The following ZFYVE16 variants were observed in gnomAD, a reference collection of about 807,000 sequenced individuals.
ZFYVE16 encodes zinc finger FYVE-type containing 16.
A neutral mutation model predicts 138.1 loss-of-function variants in ZFYVE16; 89 were observed. The ratio of observed to expected loss-of-function variants is 0.64; its 90% CI spans 0.54 to 0.77. The LOEUF (loss-of-function observed/expected upper bound fraction) is 0.77. Ranked by LOEUF, ZFYVE16 falls within the 30% of genes least tolerant of loss-of-function variation. The pLI is 0.00. For synonymous variants in ZFYVE16, 596 were observed against 618.3 expected, an observed-to-expected ratio of 0.96 and a Z score of 0.53; for missense variants, 1,793 against 1,786.7, an observed-to-expected ratio of 1.00 and a Z score of -0.06.
intron 17 of ZFYVE16, 136 bp from the exon 18 acceptor site, chr5:80,474,527 C>T: frequency 1.1e-6 from 1 of 874,708 alleles, no homozygotes; most frequent in East Asian, 2.6e-5. Context: ...ACAGATCAAG[C>T]TATCGATACA....
At chr5:80,420,728 C>T (rs1029112614) in intron 1 of ZFYVE16, among the ~76,000 whole-genome samples, 4 of 152,206 alleles carry the variant, frequency 2.6e-5, no homozygotes, top group Non-Finnish European at 4.4e-5. Context: ...CAAGTCTTTG[C>T]TATTGTGAAT....
Position 80,436,775 on chromosome 5 carries a change from A to G in ZFYVE16, c.90A>G (p.Gln30=), listed in dbSNP as rs774712006. ...EQNPDEQDYL[Q]DVQNAYDSNH... is the part of the protein sequence containing the mutation. ...TTTCAGATGAACAAGATTATCTCCA[A>G]GATGTACAAAATGCATATGATTCTA... Residue 30 remains glutamine (Q), a synonymous_variant, in exon 4 of 19, where the codon CAA becomes CAG. Coordinates refer to ENST00000505560, the MANE Select transcript of ZFYVE16 (RefSeq NM_001284236.3). 6.2e-7 allele frequency: 1 copy of G among 1,611,816 alleles called. No individual in the cohort carries two copies. The highest frequency in any genetic ancestry group is 8.5e-7 in the Non-Finnish European group (1 of 1,178,626).
rs1222955252 is a variant in ZFYVE16, at chr5:80,482,693, G to T, written c.*5316G>T. On this transcript the variant is annotated 3_prime_UTR_variant, in exon 19 of 19. Transcript: ENST00000505560. ...AACAACTGGAAGAAAACAACACTTTGTATATAGGAGAACCAAAGATTTCAG... is the reference window on the plus strand; with the variant it reads ...AACAACTGGAAGAAAACAACACTTTTTATATAGGAGAACCAAAGATTTCAG... The T allele has an allele frequency of 2.6e-5, 4 of 152,126 alleles. No individual in the cohort carries two copies. The highest frequency in any genetic ancestry group is 5.9e-5 in the Non-Finnish European group (4 of 68,008). The allele number at this position is 152,126 out of a possible 1,614,324, so 9.4% of individuals were successfully genotyped here. A position where few individuals can be genotyped will look rare whatever the true frequency, so the allele number is the denominator to read the frequency against.
At chr5:80,432,672 T>C (rs532920365) in intron 2 of ZFYVE16, among the ~76,000 whole-genome samples, 95 of 152,110 alleles carry the variant, frequency 6.2e-4, no homozygotes, top group African/African-American at 2.1e-3. Flanking sequence ...GGAGAAAATT[T>C]TTGCAATCTA....
At chr5:80,422,147 G>A (rs988286840) in intron 1 of ZFYVE16, among the ~76,000 whole-genome samples, 13 of 152,118 alleles carry the variant, frequency 8.5e-5, no homozygotes, top group African/African-American at 3.1e-4. Context: ...CCTTAATTTT[G>A]TATCCTGAGA....
rs1329545912 is a variant in ZFYVE16 at position 80,439,952 on chromosome 5, G to A, written c.2339G>A (p.Cys780Tyr). The A allele has an allele frequency of 6.2e-6, 10 of 1,609,314 alleles. No individual in the cohort carries two copies. The highest frequency in any genetic ancestry group is 8.5e-6 in the Non-Finnish European group (10 of 1,177,808). ...TCTTTATAGGTATTTTGTGGTGTCT[G>A]TTGTAATAGGAAGTGTAAACTGCAA... Reference protein sequence around the residue: ...RACGKVFCGVCCNRKCKLQYL... With the variant: ...RACGKVFCGVYCNRKCKLQYL... Residue 780 changes from cysteine (C) to tyrosine (Y), a missense_variant, in exon 5 of 19, where the codon TGT becomes TAT. Coordinates refer to ENST00000505560, the MANE Select transcript of ZFYVE16 (RefSeq NM_001284236.3).
chr5:80,440,972 C>T (rs940647085), intron 5 of ZFYVE16: 2 of 985,266 alleles, frequency 2.0e-6, no homozygotes, highest in African/African-American at 3.5e-5. Flanking sequence ...TGCTTTTCTC[C>T]CTGCTGTTGA....
At chr5:80,440,100 A>G (rs963176527) in intron 5 of ZFYVE16, 68 bp downstream of exon 5, 5 of 1,509,280 alleles carry the variant, frequency 3.3e-6, no homozygotes, top group Non-Finnish European at 3.5e-6. Context: ...GGATTGTGAC[A>G]AAGATAAACT....
chr5:80,459,363 A>G, intron 14 of ZFYVE16, 51 bp from the exon 15 acceptor site: 1 of 1,510,378 alleles, frequency 6.6e-7, no homozygotes, highest in South Asian at 1.2e-5. Flanking sequence ...ACAAATGTGT[A>G]ACATAAAAAT....
chr5:80,416,455 C>T (rs1309244355), intron 1 of ZFYVE16, among the ~76,000 whole-genome samples: 1 of 151,646 alleles, frequency 6.6e-6, no homozygotes, highest in Non-Finnish European at 1.5e-5. Context: ...GGGGTTTCAC[C>T]ATGTTGGCCA....
intron 1 of ZFYVE16, chr5:80,411,773 G>A (rs1467607979): frequency 6.6e-6 from 1 of 152,096 alleles, no homozygotes; most frequent in East Asian, 1.9e-4. Context: ...ATGTTCTCAA[G>A]GTACTTCAAA....
intron 15 of ZFYVE16, among the ~76,000 whole-genome samples, chr5:80,467,782 T>G (rs1464038387): frequency 6.6e-6 from 1 of 152,156 alleles, no homozygotes; most frequent in Non-Finnish European, 1.5e-5. Context: ...GAACTGTCCC[T>G]AAGGAAACAA....
chr5:80,457,680 T>C (rs1373754952), intron 14 of ZFYVE16, among the ~76,000 whole-genome samples: 1 of 152,170 alleles, frequency 6.6e-6, no homozygotes, highest in Non-Finnish European at 1.5e-5. Context: ...TTTCCTCTGC[T>C]TATAAAAGTA....
At chr5:80,444,245 A>G (rs1482307642) in intron 6 of ZFYVE16, among the ~76,000 whole-genome samples, 2 of 152,166 alleles carry the variant, frequency 1.3e-5, no homozygotes, top group Non-Finnish European at 2.9e-5. Flanking sequence ...GTCGTATATT[A>G]TAGCTCTAAA....
chr5:80,415,738 G>GCT (rs1746118844), intron 1 of ZFYVE16, among the ~76,000 whole-genome samples: 1 of 152,012 alleles, frequency 6.6e-6, no homozygotes, highest in African/African-American at 2.4e-5. Flanking sequence ...TGCGATCTCA[G>GCT]CTCACTGCAA....
rs751497520 is a variant in ZFYVE16, at chr5:80,450,565, A to G, written c.3361A>G (p.Ile1121Val). Residue 1121 changes from isoleucine to valine, a missense_variant, in exon 10 of 19, where the codon ATA (isoleucine) becomes GTA (valine). Coordinates refer to ENST00000505560, the MANE Select transcript of ZFYVE16 (RefSeq NM_001284236.3). ...PKDIFRLFITIYKDALKGKYI... is the reference protein window; with the variant it reads ...PKDIFRLFITVYKDALKGKYI... ...GGACATCTTCAGACTATTTATCACC[A>G]TATATAAGGATGCTCTAAAAGGTAT... 4.4e-5 allele frequency: 71 copies of G among 1,613,184 alleles called. No homozygotes were observed. The highest frequency in any genetic ancestry group is 9.9e-5 in the South Asian group (9 of 91,020).
At chr5:80,450,612 C>G in intron 10 of ZFYVE16, 26 bp downstream of exon 10, 1 of 1,600,690 alleles carries the variant, frequency 6.2e-7, no homozygotes, top group Non-Finnish European at 8.5e-7. Flanking sequence ...TTGAACTGTT[C>G]AGACTGGGGA....
chr5:80,409,873 T>TA (rs1376873470), intron 1 of ZFYVE16: 1 of 152,250 alleles, frequency 6.6e-6, no homozygotes, highest in African/African-American at 2.4e-5. Flanking sequence ...TTTACACTGT[T>TA]ACAACCCTTG....
chr5:80,419,170 C>T (rs1746710711), intron 1 of ZFYVE16, among the ~76,000 whole-genome samples: 1 of 151,798 alleles, frequency 6.6e-6, no homozygotes, highest in African/African-American at 2.4e-5. Flanking sequence ...CTCAGCCTCC[C>T]TGGTTTCAGC....
Sources: allele counts gnomAD v4.1 joint callset (sites outside exome capture counted in the v4.1 genomes callset), GRCh38; gene constraint gnomAD v4.1.1; transcripts MANE v1.5; gene names NCBI Gene and HGNC (gene_info 2026-07-23, HGNC 2026-07-21).